The following RARB variants were observed in gnomAD, a reference collection of about 807,000 sequenced individuals.
RARB encodes the protein HBV-activated protein.
In RARB, 17 loss-of-function variants were observed where a neutral mutation model predicts 51.9. The observed-to-expected ratio is 0.33, with a 90% CI of 0.22 to 0.49. The LOEUF (loss-of-function observed/expected upper bound fraction) is 0.49. RARB is among the 20% of genes least tolerant of loss of function. RARB has a pLI of 0.99. For missense variants in RARB, 369 were observed against 550.8 expected, an observed-to-expected ratio of 0.67 and a Z score of 3.30; for synonymous variants, 215 against 195.4, an observed-to-expected ratio of 1.10 and a Z score of -0.84.
intron 5 of RARB, among the ~76,000 whole-genome samples, chr3:25,257,643 C>T (rs322722): frequency 0.57 from 86,944 of 151,864 alleles, 26,820 homozygotes; most frequent in Admixed American, 0.7. Flanking sequence ...TGTCCAAGTT[C>T]GTCCAAGTCC....
intron 2 of RARB, among the ~76,000 whole-genome samples, chr3:25,477,311 A>G (rs1225821597): frequency 6.6e-6 from 1 of 152,214 alleles, no homozygotes; most frequent in African/African-American, 2.4e-5. Context: ...GGCATGGGGT[A>G]GGTGACTCAA....
At chr3:24,996,718 G>A (rs1475722817) in intron 2 of RARB, among the ~76,000 whole-genome samples, 2 of 151,622 alleles carry the variant, frequency 1.3e-5, no homozygotes, top group Non-Finnish European at 2.9e-5. Flanking sequence ...TCCTTTGGTT[G>A]CTCAGAAGCA....
intron 2 of RARB, among the ~76,000 whole-genome samples, chr3:25,054,312 A>G (rs1458669886): frequency 1.3e-5 from 2 of 152,120 alleles, no homozygotes; most frequent in Non-Finnish European, 2.9e-5. Context: ...TGTTATTCAC[A>G]CCCTTAAGAA....
At chr3:25,027,869 G>C (rs1020161884) in intron 2 of RARB, among the ~76,000 whole-genome samples, 5 of 152,080 alleles carry the variant, frequency 3.3e-5, no homozygotes, top group African/African-American at 7.2e-5. Context: ...ATCATGGCAG[G>C]GTGCCTGGTT....
At chr3:25,516,629 G>GTTTTTTTTTTTTTTTTTT (rs1559446380) in intron 3 of RARB, among the ~76,000 whole-genome samples, 5 of 122,634 alleles carry the variant, frequency 4.1e-5, no homozygotes, top group African/African-American at 1.9e-4. Context: ...TTATTTCCTT[G>GTTTTTTTTTTTTTTTTTT]TCTTTTTTTT....
At chr3:24,863,511 T>C (rs1702794255) in intron 2 of RARB, among the ~76,000 whole-genome samples, 1 of 152,128 alleles carries the variant, frequency 6.6e-6, no homozygotes, top group South Asian at 2.1e-4. Context: ...AACACTTCTC[T>C]GTGGGAAGTC....
At chr3:25,097,924 T>G (rs150433417) in intron 3 of RARB, among the ~76,000 whole-genome samples, 1 of 152,260 alleles carries the variant, frequency 6.6e-6, no homozygotes, top group East Asian at 1.9e-4. Context: ...AGACTTAAGA[T>G]TCAAAGAGAA....
intron 2 of RARB, among the ~76,000 whole-genome samples, chr3:24,988,543 G>C (rs1040753242): frequency 6.6e-6 from 1 of 151,998 alleles, no homozygotes; most frequent in East Asian, 1.9e-4. Context: ...CCTAAAGTTG[G>C]GAAGTATACT....
At chr3:25,478,080 A>G (rs1403055335) in intron 2 of RARB, among the ~76,000 whole-genome samples, 2 of 152,072 alleles carry the variant, frequency 1.3e-5, no homozygotes, top group Non-Finnish European at 2.9e-5. Flanking sequence ...GACCTATTAC[A>G]TGGGGGCTCA....
intron 2 of RARB, among the ~76,000 whole-genome samples, chr3:24,927,689 G>A (rs1276209660): frequency 6.6e-6 from 1 of 152,022 alleles, no homozygotes; most frequent in Non-Finnish European, 1.5e-5. Flanking sequence ...TAATTGATCA[G>A]CGTATTATTA....
intron 4 of RARB, among the ~76,000 whole-genome samples, chr3:25,577,028 A>G (rs1700965044): frequency 6.6e-6 from 1 of 152,202 alleles, no homozygotes; most frequent in Non-Finnish European, 1.5e-5. Flanking sequence ...GGAAGCATCC[A>G]GAGATTCCAA....
At chr3:25,256,181 A>G (rs1215722735) in intron 5 of RARB, among the ~76,000 whole-genome samples, 1 of 152,150 alleles carries the variant, frequency 6.6e-6, no homozygotes, top group East Asian at 1.9e-4. Context: ...CACCTATTGT[A>G]TACTCGTCAT....
chr3:25,188,437 G>A (rs941850592), intron 5 of RARB, among the ~76,000 whole-genome samples: 3 of 152,070 alleles, frequency 2.0e-5, no homozygotes, highest in African/African-American at 4.8e-5. Context: ...AAGATCAAAA[G>A]TATTCATGCC....
At chr3:25,301,490 T>C (rs79448206) in intron 5 of RARB, among the ~76,000 whole-genome samples, 162 of 152,350 alleles carry the variant, frequency 1.1e-3, no homozygotes, top group African/African-American at 3.7e-3. Flanking sequence ...TCCTGTATGT[T>C]CCTCCATTTC....
intron 5 of RARB, among the ~76,000 whole-genome samples, chr3:25,317,868 C>A (rs1704469277): frequency 6.6e-6 from 1 of 152,128 alleles, no homozygotes; most frequent in Admixed American, 6.5e-5. Flanking sequence ...CTATGAATCA[C>A]ATGTGCAAAC....
chr3:24,877,346 C>CTTCTTTTTTT (rs1703065979), intron 2 of RARB, among the ~76,000 whole-genome samples: 1 of 81,892 alleles, frequency 1.2e-5, no homozygotes, highest in African/African-American at 5.1e-5. Flanking sequence ...AGCAATCTTA[C>CTTCTTTTTTT]TTTTTTTTTT....
chr3:25,583,522 C>G (rs1701266889), intron 5 of RARB, among the ~76,000 whole-genome samples: 1 of 152,248 alleles, frequency 6.6e-6, no homozygotes. Context: ...CCTGCCAGGG[C>G]TGGCACTTTC....
At position 25,597,851 on chromosome 3, in the gene RARB, T is replaced by TAACA. The variant is rs1553638440; in HGVS notation, c.*1237_*1240dup. On this transcript the variant is annotated 3_prime_UTR_variant, in exon 8 of 8. Coordinates refer to ENST00000330688, the MANE Select transcript of RARB (RefSeq NM_000965.5). ...TGTTTGTACATTGAGATTGTTTGTT[T>TAACA]AACAATGCTTTCTATGTTCATATAC... The TAACA allele has an allele frequency of 6.5e-6, 1 of 152,706 alleles. No homozygotes were observed. Among genetic ancestry groups the TAACA allele is most frequent in the Non-Finnish European group, 1.5e-5 (1 of 68,094 alleles). The allele number at this position is 152,706 out of a possible 1,614,324, so 9.5% of individuals were successfully genotyped here.
chr3:25,183,013 A>C (rs9847680), intron 5 of RARB, among the ~76,000 whole-genome samples: 4,641 of 152,216 alleles, frequency 0.03, 244 homozygotes, highest in African/African-American at 0.11. Flanking sequence ...AGAAGGAGGC[A>C]ACCCTGCCAG....
Sources: gnomAD v4.1 joint callset for allele counts (sites outside exome capture counted in the v4.1 genomes callset) on GRCh38, gnomAD v4.1.1 for gene constraint, MANE v1.5 for transcripts, NCBI Gene and HGNC (gene_info 2026-07-23, HGNC 2026-07-21) for gene names.